PNLIP: variants seen among roughly 807,000 people sequenced by gnomAD.
PNLIP encodes the protein pancreatic lipase.
In PNLIP, 49 loss-of-function variants were observed where a neutral mutation model predicts 57.1. The ratio of observed to expected loss-of-function variants is 0.86; its 90% CI spans 0.68 to 1.09. The LOEUF (loss-of-function observed/expected upper bound fraction) is 1.09. Among genes scored for constraint, PNLIP ranks in the 50% least tolerant of loss-of-function variants. The probability of loss-of-function intolerance (pLI) is 0.00; values close to 1 mark genes in which losing one functional copy is unlikely to be tolerated. For synonymous variants in PNLIP, 209 were observed against 200.4 expected, an observed-to-expected ratio of 1.04 and a Z score of -0.36; for missense variants, 503 against 570.2, an observed-to-expected ratio of 0.88 and a Z score of 1.20.
intron 12 of PNLIP, among the ~76,000 whole-genome samples, chr10:116,564,214 A>G (rs1335087969): frequency 1.3e-5 from 2 of 152,182 alleles, no homozygotes; most frequent in African/African-American, 4.8e-5. Context: ...CCATCTAATA[A>G]AACTTCACTT....
At chr10:116,550,944 A>C (rs1259885543) in intron 4 of PNLIP, among the ~76,000 whole-genome samples, 154 bp from the exon 5 acceptor site, 1 of 152,226 alleles carries the variant, frequency 6.6e-6, no homozygotes, top group Non-Finnish European at 1.5e-5. Flanking sequence ...GAGATTATAT[A>C]TCTATAACAG....
chr10:116,556,069 C>G lies in PNLIP; in HGVS notation c.881C>G (p.Pro294Arg). ...TATTACACTGATAGCATCGTCAACC[C>G]TGATGGCTTTGCTGGATTCCCCTGT... ...YKYYTDSIVN[P>R]DGFAGFPCAS... The change falls in exon 9 of 13, where the codon CCT becomes CGT. Residue 294 changes from proline to arginine, a missense_variant. Transcript: ENST00000369221. 6.2e-7 allele frequency: 1 copy of G among 1,613,916 alleles called. No homozygotes were observed. Among genetic ancestry groups the G allele is most frequent in the Non-Finnish European group, 8.5e-7 (1 of 1,179,808 alleles).
chr10:116,567,823 A>T lies in PNLIP; in HGVS notation c.*25A>T. 6.4e-7 allele frequency: 1 copy of T among 1,562,656 alleles called. No homozygotes were observed. Among genetic ancestry groups the T allele is most frequent in the East Asian group, 2.2e-5 (1 of 44,634 alleles). Reference sequence around the variant, plus strand: ...GGAGACTACTGTTATTTGACCAATGAATTGACTTCTAATAAAATCTAGTGG... The same window carrying T: ...GGAGACTACTGTTATTTGACCAATGTATTGACTTCTAATAAAATCTAGTGG... On this transcript the variant is annotated 3_prime_UTR_variant, in exon 13 of 13. Coordinates refer to ENST00000369221, the MANE Select transcript of PNLIP (RefSeq NM_000936.4).
intron 8 of PNLIP, among the ~76,000 whole-genome samples, chr10:116,555,715 G>C (rs775796142): frequency 2.0e-5 from 3 of 152,198 alleles, no homozygotes; most frequent in Non-Finnish European, 2.9e-5. Flanking sequence ...CAACTTCAGA[G>C]TACCTAATTC....
intron 6 of PNLIP, 97 bp downstream of exon 6, chr10:116,553,935 CT>C: frequency 1.8e-6 from 1 of 559,578 alleles, no homozygotes. Flanking sequence ...AGCGAGACTC[CT>C]ATCTCCTTAA....
Position 116,548,363 on chromosome 10 carries a change from G to A in PNLIP, c.205G>A (p.Val69Ile). Residue 69 changes from valine to isoleucine, a missense_variant, in exon 4 of 13, where the codon GTT becomes ATT. By Grantham distance (29) the Val-to-Ile change is conservative (BLOSUM62 3). Transcript: ENST00000369221. ...AAACACTTTTCTGTCTAAACAGGAAGTTGCCGCAGATTCATCAAGCATCAG... is the reference window on the plus strand; with the variant it reads ...AAACACTTTTCTGTCTAAACAGGAAATTGCCGCAGATTCATCAAGCATCAG... ...TNENPNNFQE[V>I]AADSSSISGS... 6.2e-7 allele frequency: 1 copy of A among 1,613,924 alleles called. No homozygotes were observed.
In PNLIP at chr10:116,559,173, C is replaced by T; in HGVS notation, c.950C>T (p.Pro317Leu). 6.2e-7 allele frequency: 1 copy of T among 1,612,206 alleles called. No homozygotes were observed. The highest frequency in any genetic ancestry group is 8.5e-7 in the Non-Finnish European group (1 of 1,179,444). The change falls in exon 10 of 13, where the codon CCA becomes CTA. Residue 317 changes from proline to leucine, a missense_variant. Transcript: ENST00000369221. ...VFTANKCFPC[P>L]SGGCPQMGHY... ...CACTAGAACAAGTGTTTCCCTTGTC[C>T]AAGTGGAGGCTGCCCACAGATGGGT...
rs774143053 is a variant in PNLIP at position 116,561,534 on chromosome 10, A to G, written c.1232A>G (p.Asp411Gly). The G allele has an allele frequency of 1.9e-6, 3 of 1,613,722 alleles. No individual in the cohort carries two copies. Among genetic ancestry groups the G allele is most frequent in the Non-Finnish European group, 2.5e-6 (3 of 1,179,708 alleles). The change falls in exon 12 of 13, where the codon GAC (aspartate) becomes GGC (glycine). Residue 411 changes from aspartate (D) to glycine (G), a missense_variant. By Grantham distance (94) the Asp-to-Gly change is moderately conservative. Transcript: ENST00000369221. Reference sequence around the variant, plus strand: ...TTTGACTCAGATGTGGATGTTGGGGACTTGCAGATGGTTAAATTTATTTGG... The same window carrying G: ...TTTGACTCAGATGTGGATGTTGGGGGCTTGCAGATGGTTAAATTTATTTGG... ...NEFDSDVDVG[D>G]LQMVKFIWYN...
intron 4 of PNLIP, 135 bp downstream of exon 4, chr10:116,548,617 T>G: frequency 1.0e-6 from 1 of 973,116 alleles, no homozygotes; most frequent in Non-Finnish European, 1.5e-6. Context: ...GGGCCTGGAG[T>G]TCCTAGGGGA....
chr10:116,560,167 G>GA lies in PNLIP; in HGVS notation c.1061-241dup, dbSNP rs1366776743. On this transcript the variant is annotated intron_variant, in intron 10 of 12. Transcript: ENST00000369221. ...AATGTATTCCTTAGTCCCTTGGCTT[G>GA]AAAAAAAATCTGTCTTAACTTTGAA... 2.0e-5 allele frequency among the ~76,000 whole-genome samples: 3 copies of GA among 151,226 alleles called. No individual in the cohort carries two copies. The East Asian group carries it at 5.8e-4, about 29-fold the overall frequency.
intron 12 of PNLIP, among the ~76,000 whole-genome samples, chr10:116,567,121 C>CTCTTTCTTTCTTTCTTTCTT (rs10563857): frequency 1.4e-5 from 2 of 146,484 alleles, no homozygotes; most frequent in African/African-American, 5.1e-5. Context: ...TCCTTTCTTT[C>CTCTTTCTTTCTTTCTTTCTT]TCTTTCTTTC....
intron 9 of PNLIP, 73 bp from the exon 10 acceptor site, chr10:116,559,081 A>G (rs1433652113): frequency 6.5e-7 from 1 of 1,544,896 alleles, no homozygotes; most frequent in Admixed American, 2.0e-5. Flanking sequence ...TTGAATGGCG[A>G]CAACATGTAG....
chr10:116,559,334 A>C, intron 10 of PNLIP, 51 bp downstream of exon 10: 1 of 1,368,526 alleles, frequency 7.3e-7, no homozygotes, highest in East Asian at 2.3e-5. Context: ...ATATTTTATT[A>C]TTATGTCCAC....
At chr10:116,553,870 G>T in intron 6 of PNLIP, 32 bp downstream of exon 6, 1 of 1,363,356 alleles carries the variant, frequency 7.3e-7, no homozygotes, top group Non-Finnish European at 1.0e-6. Context: ...TACCAGGGGG[G>T]TTGAGGCAAG....
intron 12 of PNLIP, among the ~76,000 whole-genome samples, chr10:116,564,649 C>T (rs929206283): frequency 6.6e-6 from 1 of 151,998 alleles, no homozygotes; most frequent in Non-Finnish European, 1.5e-5. Context: ...ACTAAATTCT[C>T]TTTGAAAAAA....
rs144431939 is a variant in PNLIP at position 116,546,875 on chromosome 10, A to T, written c.47-419A>T. ...GAAGATGTCCTGCAGTACAGCAAGGATGGGGATATACGGTTTTGGCCTTTC... is the reference window on the plus strand; with the variant it reads ...GAAGATGTCCTGCAGTACAGCAAGGTTGGGGATATACGGTTTTGGCCTTTC... On this transcript the variant is annotated intron_variant, in intron 2 of 12. Transcript: ENST00000369221. Among the ~76,000 whole-genome samples the T allele has an allele frequency of 6.8e-3, 1,041 of 152,288 alleles. 3 individuals carry two copies. The highest frequency in any genetic ancestry group is 0.011 in the Non-Finnish European group (751 of 68,024).
In PNLIP at chr10:116,551,113, GA is replaced by G; in HGVS notation, c.343del (p.Ser115ValfsTer2). ...CTTCCACCAGAATCTGTTCAAGGTGGAAAGTGTGAACTGTATCTGTGTGGAC... is the reference window on the plus strand; with the variant it reads ...CTTCCACCAGAATCTGTTCAAGGTGGAAGTGTGAACTGTATCTGTGTGGAC... Reference protein sequence around the residue: ...ANVCKNLFKVESVNCICVDWK... With the variant: ...ANVCKNLFKVXSVNCICVDWK... On this transcript the variant is annotated frameshift_variant, in exon 5 of 13. Coordinates refer to ENST00000369221, the MANE Select transcript of PNLIP (RefSeq NM_000936.4). LOFTEE classifies it high-confidence loss of function. 6.2e-7 allele frequency: 1 copy of G among 1,600,722 alleles called. No individual in the cohort carries two copies. The highest frequency in any genetic ancestry group is 8.5e-7 in the Non-Finnish European group (1 of 1,172,726).
intron 5 of PNLIP, 104 bp downstream of exon 5, chr10:116,551,336 C>A (rs1166780757): frequency 5.2e-6 from 4 of 765,418 alleles, no homozygotes; most frequent in Non-Finnish European, 7.5e-6. Context: ...GATAAAGACA[C>A]TTCTCTACTC....
At position 116,548,347 on chromosome 10, in the gene PNLIP, T is replaced by C. The variant is rs1487818546; in HGVS notation, c.202-13T>C. On this transcript the variant is annotated splice_polypyrimidine_tract_variant and intron_variant, in intron 3 of 12. Coordinates refer to ENST00000369221, the MANE Select transcript of PNLIP (RefSeq NM_000936.4). ...ATAGGAAACTGACATGAAACACTTT[T>C]CTGTCTAAACAGGAAGTTGCCGCAG... The C allele has an allele frequency of 1.1e-5, 18 of 1,613,194 alleles. No homozygotes were observed. Among genetic ancestry groups the C allele is most frequent in the Non-Finnish European group, 1.4e-5 (16 of 1,179,606 alleles).
Sources: gnomAD v4.1 joint callset for allele counts (sites outside exome capture counted in the v4.1 genomes callset) on GRCh38, gnomAD v4.1.1 for gene constraint, MANE v1.5 for transcripts, NCBI Gene and HGNC (gene_info 2026-07-23, HGNC 2026-07-21) for gene names.